Variants in CSGALNACT1 observed in about 807,000 individuals in gnomAD.
CSGALNACT1 encodes the protein beta4GalNAcT-1.
Under a neutral mutation model 51.0 loss-of-function variants are expected in CSGALNACT1, and 52 were observed. That is an observed-to-expected ratio of 1.02 (90% CI 0.82 to 1.29). The LOEUF (loss-of-function observed/expected upper bound fraction) is 1.29, where lower values mean the gene tolerates loss of function less well. Ranked by LOEUF, CSGALNACT1 falls within the 50% of genes most tolerant of loss-of-function variation. CSGALNACT1 has a pLI of 0.00. For missense variants in CSGALNACT1, 935 were observed against 679.2 expected (o/e 1.38, Z -4.19); for synonymous variants, 341 against 254.4 (o/e 1.34, Z -3.24).
chr8:19,730,473 TATG>T (rs2063630797), intron 1 of CSGALNACT1, among the ~76,000 whole-genome samples: 1 of 152,238 alleles, frequency 6.6e-6, no homozygotes, highest in Non-Finnish European at 1.5e-5. Context: ...AGGTTGGAAT[TATG>T]ATGTTTAAGT....
intron 4 of CSGALNACT1, among the ~76,000 whole-genome samples, chr8:19,495,946 C>T (rs1002935032): frequency 6.6e-6 from 1 of 152,158 alleles, no homozygotes; most frequent in Admixed American, 6.5e-5. Flanking sequence ...CTCCAGCTAA[C>T]ATAGGACTTG....
At chr8:19,556,660 C>A (rs915390677) in intron 3 of CSGALNACT1, among the ~76,000 whole-genome samples, 1 of 152,114 alleles carries the variant, frequency 6.6e-6, no homozygotes, top group Non-Finnish European at 1.5e-5. Flanking sequence ...CTATCTGCTG[C>A]AAGCAGGCAC....
chr8:19,505,376 T>C (rs2077121001), exon 4 of CSGALNACT1: 8 of 1,614,178 alleles, frequency 5.0e-6, no homozygotes, highest in African/African-American at 1.3e-5. Flanking sequence ...ACACCTTCTG[T>C]AGAGTAAAGC....
intron 5 of CSGALNACT1, among the ~76,000 whole-genome samples, chr8:19,441,429 T>A (rs1372389758): frequency 6.6e-6 from 1 of 152,190 alleles, no homozygotes; most frequent in Non-Finnish European, 1.5e-5. Flanking sequence ...TCTACAACCA[T>A]CTGATCTTTG....
At chr8:19,543,848 C>T (rs1203600949) in intron 3 of CSGALNACT1, among the ~76,000 whole-genome samples, 4 of 152,146 alleles carry the variant, frequency 2.6e-5, no homozygotes, top group Non-Finnish European at 5.9e-5. Flanking sequence ...ATGTAGATGG[C>T]CTTGGGGACC....
intron 1 of CSGALNACT1, among the ~76,000 whole-genome samples, chr8:19,743,312 T>A (rs948782995): frequency 1.3e-5 from 2 of 152,196 alleles, no homozygotes; most frequent in Non-Finnish European, 2.9e-5. Context: ...CTATTCCTAA[T>A]GTGGTTCATG....
At chr8:19,442,778 A>T (rs1000775497) in intron 5 of CSGALNACT1, among the ~76,000 whole-genome samples, 1 of 152,020 alleles carries the variant, frequency 6.6e-6, no homozygotes, top group African/African-American at 2.4e-5. Flanking sequence ...AGAGGATGAG[A>T]CTAGAATCCT....
chr8:19,686,154 TG>T (rs1349915758), upstream of CSGALNACT1, among the ~76,000 whole-genome samples: 3 of 152,120 alleles, frequency 2.0e-5, no homozygotes. Flanking sequence ...GGTTCTGCTT[TG>T]CTCTCCAGCC....
At chr8:19,682,614 A>G (rs531152319), upstream of CSGALNACT1, 1 of 454,048 alleles carries the variant, frequency 2.2e-6, no homozygotes, top group Non-Finnish European at 4.4e-6. Context: ...GGGACTTCAG[A>G]GCCCAAAGAT....
chr8:19,624,912 C>G (rs1337352692), intron 1 of CSGALNACT1, among the ~76,000 whole-genome samples: 1 of 152,164 alleles, frequency 6.6e-6, no homozygotes. Flanking sequence ...CTCCTGACCT[C>G]GTGACCCGCC....
chr8:19,707,135 G>A (rs2062218872), intron 1 of CSGALNACT1, among the ~76,000 whole-genome samples: 1 of 151,986 alleles, frequency 6.6e-6, no homozygotes, highest in Admixed American at 6.6e-5. Flanking sequence ...AACTCCAGAA[G>A]GTAGCTCAAG....
At chr8:19,683,558 A>G (rs148354048), upstream of CSGALNACT1, among the ~76,000 whole-genome samples, 529 of 152,354 alleles carry the variant, frequency 3.5e-3, 4 homozygotes, top group Non-Finnish European at 4.6e-3. Context: ...GATATTAAAA[A>G]TAACTACCTA....
intron 3 of CSGALNACT1, among the ~76,000 whole-genome samples, chr8:19,512,782 G>C (rs2078704371): frequency 1.3e-5 from 2 of 152,242 alleles, no homozygotes; most frequent in South Asian, 2.1e-4. Context: ...TTTTATTCTT[G>C]AACAATGGTC....
upstream of CSGALNACT1, among the ~76,000 whole-genome samples, chr8:19,604,767 T>C: frequency 7.0e-6 from 1 of 143,050 alleles, no homozygotes. Context: ...AAAAAAAAAT[T>C]AGCCGCGCAC....
At chr8:19,578,994 G>A (rs2044939343) in intron 3 of CSGALNACT1, among the ~76,000 whole-genome samples, 1 of 152,040 alleles carries the variant, frequency 6.6e-6, no homozygotes. Flanking sequence ...ATCCTTAAGT[G>A]CTAGGAATCC....
intron 1 of CSGALNACT1, among the ~76,000 whole-genome samples, chr8:19,626,700 T>C (rs964963329): frequency 6.6e-6 from 1 of 152,230 alleles, no homozygotes; most frequent in Non-Finnish European, 1.5e-5. Context: ...TTGCTTTCAG[T>C]ATATTTAAAT....
chr8:19,641,470 T>C (rs1426311355), intron 1 of CSGALNACT1, among the ~76,000 whole-genome samples: 1 of 152,202 alleles, frequency 6.6e-6, no homozygotes, highest in Non-Finnish European at 1.5e-5. Context: ...TGTTTTTATC[T>C]GGACAGCTGC....
chr8:19,626,804 G>A (rs947373092), intron 1 of CSGALNACT1, among the ~76,000 whole-genome samples: 2 of 152,162 alleles, frequency 1.3e-5, no homozygotes, highest in African/African-American at 4.8e-5. Flanking sequence ...TGGGTGGTGA[G>A]TAAGTACATC....
chr8:19,692,998 A>C (rs2061407072), intron 1 of CSGALNACT1, among the ~76,000 whole-genome samples: 1 of 152,176 alleles, frequency 6.6e-6, no homozygotes, highest in Non-Finnish European at 1.5e-5. Flanking sequence ...GGTGAAATCC[A>C]TGATGCCATC....
Sources: allele counts gnomAD v4.1 joint callset (sites outside exome capture counted in the v4.1 genomes callset), GRCh38; gene constraint gnomAD v4.1.1; transcripts MANE v1.5; gene names NCBI Gene and HGNC (gene_info 2026-07-23, HGNC 2026-07-21).